The following ADAMTSL1 variants were observed in gnomAD, a reference collection of about 807,000 sequenced individuals.
ADAMTSL1 encodes the protein ADAMTS like 1.
In ADAMTSL1, 126 loss-of-function variants were observed where a neutral mutation model predicts 201.8. That is an observed-to-expected ratio of 0.62 (90% CI 0.54 to 0.72). ADAMTSL1 has a LOEUF of 0.72. Among genes scored for constraint, ADAMTSL1 ranks in the 30% least tolerant of loss-of-function variants. ADAMTSL1 has a pLI of 0.00. For missense variants in ADAMTSL1, 2,679 were observed against 2,277.8 expected, an observed-to-expected ratio of 1.18 and a Z score of -3.59; for synonymous variants, 1,121 against 903.4, an observed-to-expected ratio of 1.24 and a Z score of -4.32.
At chr9:18,599,596 C>G (rs1260393901) in intron 4 of ADAMTSL1, among the ~76,000 whole-genome samples, 2 of 152,024 alleles carry the variant, frequency 1.3e-5, no homozygotes, top group African/African-American at 4.8e-5. Context: ...TAGTAGTCTC[C>G]AAGTTTCTCC....
At chr9:17,952,734 C>T (rs996271819) in intron 1 of ADAMTSL1, among the ~76,000 whole-genome samples, 1 of 152,104 alleles carries the variant, frequency 6.6e-6, no homozygotes, top group Non-Finnish European at 1.5e-5. Context: ...ACCACGTTGG[C>T]CAGGCTGGTC....
chr9:18,744,047 C>T (rs549283703), intron 15 of ADAMTSL1, among the ~76,000 whole-genome samples: 3 of 152,330 alleles, frequency 2.0e-5, no homozygotes, highest in East Asian at 1.9e-4. Context: ...CCTTGGCTTG[C>T]TTGTCCTAAA....
rs1837171053 is a variant in ADAMTSL1 at position 18,373,973 on chromosome 9, A to T, written c.208-130856A>T. Among the ~76,000 whole-genome samples the T allele has an allele frequency of 2.0e-5, 3 of 152,274 alleles. No individual in the cohort carries two copies. The South Asian group carries it at 6.2e-4, about 32-fold the overall frequency. On this transcript the variant is annotated intron_variant, in intron 2 of 29. Coordinates refer to the ADAMTSL1 transcript ENST00000680146. ...AGCATGTATTGGGCAGTTATCATAG[A>T]CTAGGAACTGGGCTAGGAACTTTCC...
chr9:18,055,012 C>T (rs75438060), intron 1 of ADAMTSL1, among the ~76,000 whole-genome samples: 2,442 of 152,262 alleles, frequency 0.016, 29 homozygotes, highest in Non-Finnish European at 0.026. Flanking sequence ...AATGGATTTC[C>T]GGAGTGGGTG....
At chr9:18,866,706 G>C (rs796228009) in intron 23 of ADAMTSL1, among the ~76,000 whole-genome samples, 1 of 152,178 alleles carries the variant, frequency 6.6e-6, no homozygotes, top group East Asian at 1.9e-4. Flanking sequence ...GTTGTAGTTA[G>C]GATATACATT....
intron 2 of ADAMTSL1, among the ~76,000 whole-genome samples, chr9:18,447,762 T>C (rs943011431): frequency 1.3e-5 from 2 of 152,230 alleles, no homozygotes; most frequent in Non-Finnish European, 2.9e-5. Flanking sequence ...GAGAGTCTCA[T>C]AAGCCTCTCT....
At chr9:18,399,284 T>TAC (rs1817873364) in intron 2 of ADAMTSL1, among the ~76,000 whole-genome samples, 3 of 36,582 alleles carry the variant, frequency 8.2e-5, no homozygotes, top group Admixed American at 2.6e-4. Flanking sequence ...GCTTTACATA[T>TAC]ATATATATAT....
At chr9:18,419,601 C>G (rs1314432457) in intron 2 of ADAMTSL1, among the ~76,000 whole-genome samples, 1 of 152,132 alleles carries the variant, frequency 6.6e-6, no homozygotes, top group Non-Finnish European at 1.5e-5. Flanking sequence ...CTGTGGAATA[C>G]TACTTAACAA....
chr9:18,846,809 G>A (rs923636960), intron 23 of ADAMTSL1, among the ~76,000 whole-genome samples: 2 of 152,136 alleles, frequency 1.3e-5, no homozygotes, highest in African/African-American at 2.4e-5. Context: ...TAACTTCAAC[G>A]GGACTTGGTA....
At chr9:18,907,108 G>C in intron 28 of ADAMTSL1, 196 bp downstream of exon 28, 1 of 606,884 alleles carries the variant, frequency 1.6e-6, no homozygotes, top group South Asian at 2.1e-5. Context: ...GACAGGGTAT[G>C]CCCCAAGGGC....
At chr9:18,066,876 C>G (rs926631669) in intron 1 of ADAMTSL1, among the ~76,000 whole-genome samples, 1 of 152,128 alleles carries the variant, frequency 6.6e-6, no homozygotes, top group Admixed American at 6.5e-5. Flanking sequence ...TCTCAGTAAA[C>G]TATTGCGAGA....
At chr9:18,418,295 G>A (rs945946963) in intron 2 of ADAMTSL1, among the ~76,000 whole-genome samples, 1 of 152,102 alleles carries the variant, frequency 6.6e-6, no homozygotes, top group African/African-American at 2.4e-5. Flanking sequence ...TTTCCCCCCC[G>A]GCACTGGGGA....
intron 7 of ADAMTSL1, among the ~76,000 whole-genome samples, chr9:18,644,908 T>G (rs1457308338): frequency 6.6e-6 from 1 of 151,674 alleles, no homozygotes; most frequent in Non-Finnish European, 1.5e-5. Context: ...TACCCAGTAA[T>G]GGGATGGCTG....
At chr9:18,673,358 C>T (rs917752756) in intron 9 of ADAMTSL1, among the ~76,000 whole-genome samples, 11 of 152,162 alleles carry the variant, frequency 7.2e-5, no homozygotes, top group African/African-American at 1.9e-4. Flanking sequence ...CCTATGTACA[C>T]GAATATGTAT....
intron 10 of ADAMTSL1, among the ~76,000 whole-genome samples, chr9:18,678,975 G>C (rs1199455446): frequency 6.6e-6 from 1 of 152,132 alleles, no homozygotes; most frequent in Non-Finnish European, 1.5e-5. Flanking sequence ...ATTTTCTTAT[G>C]TGTCTCCTGG....
chr9:18,331,894 T>C (rs1293407525), intron 2 of ADAMTSL1, among the ~76,000 whole-genome samples: 1 of 152,198 alleles, frequency 6.6e-6, no homozygotes, highest in Non-Finnish European at 1.5e-5. Flanking sequence ...ATATTATATT[T>C]TAGCCACTGA....
chr9:18,031,916 G>A lies in ADAMTSL1; in HGVS notation c.87+124994G>A, dbSNP rs1284335830. ...TCAAAGGCACATGATCCTGGGCAGGGCAGTGGTGCCATAGATGTGAAATTG... is the reference window on the plus strand; with the variant it reads ...TCAAAGGCACATGATCCTGGGCAGGACAGTGGTGCCATAGATGTGAAATTG... On this transcript the variant is annotated intron_variant, in intron 1 of 29. Coordinates refer to the ADAMTSL1 transcript ENST00000680146. Among the ~76,000 whole-genome samples the A allele has an allele frequency of 4.3e-4, 65 of 152,190 alleles. 2 individuals carry two copies. The highest frequency in any genetic ancestry group is 4.1e-3 in the Admixed American group (63 of 15,282).
At chr9:18,287,628 TA>T in intron 2 of ADAMTSL1, among the ~76,000 whole-genome samples, 1 of 146,594 alleles carries the variant, frequency 6.8e-6, no homozygotes, top group African/African-American at 2.5e-5. Context: ...TGTATACATA[TA>T]CGCATATATG....
chr9:18,783,798 A>G (rs762616422), intron 19 of ADAMTSL1, among the ~76,000 whole-genome samples: 1 of 152,164 alleles, frequency 6.6e-6, no homozygotes, highest in East Asian at 1.9e-4. Flanking sequence ...AAATTATAAT[A>G]TACAACAAAG....
Sources: allele counts gnomAD v4.1 joint callset (sites outside exome capture counted in the v4.1 genomes callset), GRCh38; gene constraint gnomAD v4.1.1; transcripts MANE v1.5; gene names NCBI Gene and HGNC (gene_info 2026-07-23, HGNC 2026-07-21).